The following TANC2 variants were observed in gnomAD, a reference collection of about 807,000 sequenced individuals.
TANC2 encodes the protein protein TANC2.
Under a neutral mutation model 210.5 loss-of-function variants are expected in TANC2, and 26 were observed. The ratio of observed to expected loss-of-function variants is 0.12; its 90% confidence interval spans 0.09 to 0.17. The LOEUF (loss-of-function observed/expected upper bound fraction) is 0.17. TANC2 is among the 10% of genes least tolerant of loss of function. TANC2 has a pLI of 1.00. For synonymous variants in TANC2, 931 were observed against 967.1 expected (o/e 0.96, Z 0.69); for missense variants, 2,129 against 2,608.9 (o/e 0.82, Z 4.01).
Position 63,418,236 on chromosome 17 carries a change from T to C in TANC2, c.4168-71T>C. 7.0e-7 allele frequency: 1 copy of C among 1,433,914 alleles called. No homozygotes were observed. The allele number at this position is 1,433,914 out of a possible 1,614,324, so 88.8% of individuals were successfully genotyped here. On this transcript the variant is annotated intron_variant, in intron 26 of 27. Transcript: ENST00000689528. This position sits in a 1 kb window ranked among gnomAD's most constrained non-coding sequence, Gnocchi z 4.6. ...AATGTCAAAAAATGTACAAATAATT[T>C]GTTTTATTCCCAAGTTGTCTATTTT...
intron 4 of TANC2, among the ~76,000 whole-genome samples, chr17:63,121,687 T>C (rs1042746295): frequency 1.3e-5 from 2 of 152,208 alleles, no homozygotes; most frequent in Admixed American, 6.5e-5. Context: ...CAGGAAAATA[T>C]ACTACATTTT....
At chr17:63,353,336 G>T (rs943617895) in intron 13 of TANC2, among the ~76,000 whole-genome samples, 1 of 152,146 alleles carries the variant, frequency 6.6e-6, no homozygotes, top group Non-Finnish European at 1.5e-5. Context: ...ATGGGTGAAT[G>T]ATGATTTGAG....
At chr17:63,140,357 A>G (rs1488573753) in intron 4 of TANC2, among the ~76,000 whole-genome samples, 1 of 152,236 alleles carries the variant, frequency 6.6e-6, no homozygotes, top group Non-Finnish European at 1.5e-5. Flanking sequence ...GCAGATTCAT[A>G]CAACAAATGT....
rs1185168083 is a variant in TANC2, at chr17:63,411,975, TCTCTG to T, written c.3766-20_3766-16del. 1.2e-6 allele frequency: 2 copies of T among 1,613,498 alleles called. No individual in the cohort carries two copies. The highest frequency in any genetic ancestry group is 1.7e-6 in the Non-Finnish European group (2 of 1,179,612). On this transcript the variant is annotated intron_variant, in intron 22 of 27. Coordinates refer to ENST00000689528, the Ensembl canonical transcript of TANC2. ...CTGAGCCATTACGCCTGTCCTAACT[TCTCTG>T]CTTGATCCGTGTCCTAGGTCCAGTT...
intron 2 of TANC2, among the ~76,000 whole-genome samples, chr17:63,017,847 A>G (rs1263414795): frequency 6.6e-6 from 1 of 152,222 alleles, no homozygotes; most frequent in African/African-American, 2.4e-5. Flanking sequence ...CTTGTGAACA[A>G]TATGACAGCA....
chr17:63,050,104 C>G (rs1367338596), intron 2 of TANC2, among the ~76,000 whole-genome samples: 1 of 152,052 alleles, frequency 6.6e-6, no homozygotes, highest in Non-Finnish European at 1.5e-5. Context: ...GTAATCCTAG[C>G]ACTTGGGGAG....
At chr17:63,272,255 C>T (rs979020186) in intron 9 of TANC2, among the ~76,000 whole-genome samples, 4 of 152,076 alleles carry the variant, frequency 2.6e-5, no homozygotes, top group African/African-American at 7.2e-5. Flanking sequence ...TATTGAAGAC[C>T]AGGTAGTTGT....
At chr17:63,188,120 C>CA (rs1419824486) in intron 5 of TANC2, among the ~76,000 whole-genome samples, 1 of 151,856 alleles carries the variant, frequency 6.6e-6, no homozygotes, top group Non-Finnish European at 1.5e-5. Context: ...AAAATGTACC[C>CA]AAAAAACCCC....
intron 21 of TANC2, among the ~76,000 whole-genome samples, chr17:63,406,556 C>T (rs1377363081): frequency 6.6e-6 from 1 of 152,152 alleles, no homozygotes; most frequent in Non-Finnish European, 1.5e-5. Flanking sequence ...AAAATATATA[C>T]TCAATAAATG....
chr17:63,266,415 T>A (rs1457810524), intron 8 of TANC2, among the ~76,000 whole-genome samples: 2 of 152,164 alleles, frequency 1.3e-5, no homozygotes, highest in Non-Finnish European at 2.9e-5. Flanking sequence ...GATTAACAAA[T>A]GAATATCAGT....
At chr17:63,328,384 G>A (rs1033199326) in intron 11 of TANC2, among the ~76,000 whole-genome samples, 1 of 150,272 alleles carries the variant, frequency 6.7e-6, no homozygotes, top group Non-Finnish European at 1.5e-5. Context: ...ATATGTGTGT[G>A]TGTGTGTGTG....
At chr17:63,304,718 G>A (rs766620421) in intron 9 of TANC2, among the ~76,000 whole-genome samples, 48 of 152,116 alleles carry the variant, frequency 3.2e-4, no homozygotes, top group Non-Finnish European at 6.3e-4. Flanking sequence ...TGGAGACTGC[G>A]GCCACCCTTC....
At chr17:63,260,649 C>T (rs903948599) in intron 8 of TANC2, among the ~76,000 whole-genome samples, 5 of 151,810 alleles carry the variant, frequency 3.3e-5, no homozygotes, top group African/African-American at 7.3e-5. Context: ...TGGTGGTGCA[C>T]GCCTACTCGG....
chr17:63,242,151 C>T (rs1339796480), intron 8 of TANC2, among the ~76,000 whole-genome samples: 1 of 152,086 alleles, frequency 6.6e-6, no homozygotes, highest in Non-Finnish European at 1.5e-5. Flanking sequence ...CTTTGCTCTT[C>T]TTAAACAGAC....
At chr17:63,227,517 G>A (rs1232770739) in intron 7 of TANC2, among the ~76,000 whole-genome samples, 1 of 152,006 alleles carries the variant, frequency 6.6e-6, no homozygotes, top group African/African-American at 2.4e-5. Flanking sequence ...TCTTTTTTCA[G>A]ATGGATAGAT....
intron 3 of TANC2, among the ~76,000 whole-genome samples, chr17:63,086,703 G>T (rs1332813385): frequency 6.6e-6 from 1 of 152,120 alleles, no homozygotes; most frequent in Admixed American, 6.5e-5. Flanking sequence ...GAAGCCAGCT[G>T]GACTTCCTGG....
intron 12 of TANC2, among the ~76,000 whole-genome samples, chr17:63,350,814 C>A (rs551105392): frequency 6.6e-6 from 1 of 150,534 alleles, no homozygotes; most frequent in South Asian, 2.1e-4. Flanking sequence ...TTTACATAAA[C>A]CTTTTTGGGG....
chr17:63,215,698 C>CTTTTA (rs746457500), intron 7 of TANC2, among the ~76,000 whole-genome samples: 58 of 152,112 alleles, frequency 3.8e-4, no homozygotes, highest in African/African-American at 1.2e-3. Flanking sequence ...AGGTGCCACA[C>CTTTTA]TTTTATTTTA....
chr17:62,996,994 T>TTTTTTTTTTTTTTTTTTTTTTTTTGAG (rs2033144497), intron 1 of TANC2, among the ~76,000 whole-genome samples: 23 of 143,648 alleles, frequency 1.6e-4, no homozygotes, highest in African/African-American at 5.1e-4. Context: ...TTTGTATTTT[T>TTTTTTTTTTTTTTTTTTTTTTTTTGAG]AGTATAGATG....
Sources: gnomAD v4.1 joint callset for allele counts (sites outside exome capture counted in the v4.1 genomes callset) on GRCh38, gnomAD v4.1.1 for gene constraint, Gnocchi (gnomAD v3.1) non-coding constraint, MANE v1.5 for transcripts, NCBI Gene and HGNC (gene_info 2026-07-23, HGNC 2026-07-21) for gene names.